Variants in RCAN3 observed in about 807,000 individuals in gnomAD.
RCAN3 encodes the protein regulator of calcineurin 3.
In RCAN3, 19 loss-of-function variants were observed where a neutral mutation model predicts 21.9. The observed-to-expected ratio is 0.87, with a 90% CI of 0.61 to 1.27. The LOEUF (loss-of-function observed/expected upper bound fraction) is 1.27. RCAN3 is among the 50% of genes most tolerant of loss of function. The pLI is 0.00. For synonymous variants in RCAN3, 114 were observed against 112.3 expected (o/e 1.01, Z -0.09); for missense variants, 240 against 300.1 (o/e 0.80, Z 1.48).
At chr1:24,529,096 T>G (rs1649523758) in intron 2 of RCAN3, among the ~76,000 whole-genome samples, 1 of 152,096 alleles carries the variant, frequency 6.6e-6, no homozygotes. Context: ...CAGGGAGAGA[T>G]CATAAGGGAA....
Position 24,536,685 on chromosome 1 carries a change from C to T in RCAN3, c.*1408C>T, listed in dbSNP as rs1650249465. The T allele has an allele frequency of 6.6e-6, 1 of 152,138 alleles. No individual in the cohort carries two copies. Among genetic ancestry groups the T allele is most frequent in the South Asian group, 2.1e-4 (1 of 4,826 alleles). The allele number at this position is 152,138 out of a possible 1,614,324, so 9.4% of individuals were successfully genotyped here. ...AACTAATGAACCAAGGCGGCTGCCA[C>T]CAGGAAGGAACAGAACGCAGGCATT... is the stretch of plus-strand genomic sequence containing the variant. On this transcript the variant is annotated 3_prime_UTR_variant, in exon 5 of 5. Transcript: ENST00000374395.
chr1:24,514,308 T>A lies in RCAN3; in HGVS notation c.-59-6T>A. ...TTTACCTCTGCATTTTCTTTTTTTTTAACAGTGGGTGCCTGATAGACATCC... is the reference window on the plus strand; with the variant it reads ...TTTACCTCTGCATTTTCTTTTTTTTAAACAGTGGGTGCCTGATAGACATCC... On this transcript the variant is annotated splice_polypyrimidine_tract_variant and splice_region_variant and intron_variant, in intron 1 of 4. Coordinates refer to ENST00000374395, the MANE Select transcript of RCAN3 (RefSeq NM_013441.4). 1 of 1,371,468 alleles carries A rather than the reference T, an allele frequency of 7.3e-7. No homozygotes were observed. Among genetic ancestry groups the A allele is most frequent in the Non-Finnish European group, 9.7e-7 (1 of 1,031,010 alleles). 85.0% of individuals were successfully genotyped at this position (1,371,468 alleles called of 1,614,324 possible).
At chr1:24,513,931 T>G (rs549871185) in intron 1 of RCAN3, among the ~76,000 whole-genome samples, 7 of 152,324 alleles carry the variant, frequency 4.6e-5, no homozygotes, top group Admixed American at 2.0e-4. Flanking sequence ...CCAGTTACAG[T>G]GTTGTAGATG....
At chr1:24,517,084 G>GTT (rs11372088) in intron 2 of RCAN3, among the ~76,000 whole-genome samples, 200 of 146,922 alleles carry the variant, frequency 1.4e-3, no homozygotes, top group African/African-American at 1.7e-3. Context: ...CTATTTTTTT[G>GTT]TTTTTTTTTG....
intron 3 of RCAN3, among the ~76,000 whole-genome samples, chr1:24,532,545 G>T (rs114121573): frequency 0.083 from 12,480 of 151,112 alleles, 1,219 homozygotes; most frequent in African/African-American, 0.24. Context: ...TATTTTTTAT[G>T]CAGTTAATAT....
intron 2 of RCAN3, among the ~76,000 whole-genome samples, chr1:24,527,530 G>A (rs1029516240): frequency 2.6e-5 from 4 of 151,986 alleles, no homozygotes; most frequent in East Asian, 1.9e-4. Flanking sequence ...AATAAATATT[G>A]GTGCACAAAT....
At chr1:24,531,888 A>G (rs1051416649) in intron 3 of RCAN3, among the ~76,000 whole-genome samples, 1 of 152,204 alleles carries the variant, frequency 6.6e-6, no homozygotes, top group East Asian at 1.9e-4. Flanking sequence ...AAAATTGGCT[A>G]CGCTTAGTAT....
At chr1:24,522,710 G>A (rs1648916954) in intron 2 of RCAN3, among the ~76,000 whole-genome samples, 1 of 152,156 alleles carries the variant, frequency 6.6e-6, no homozygotes, top group Admixed American at 6.5e-5. Flanking sequence ...AAGGAGCCCA[G>A]GTAAGGCACA....
chr1:24,513,546 G>A (rs2148895637), intron 1 of RCAN3, among the ~76,000 whole-genome samples: 1 of 151,756 alleles, frequency 6.6e-6, no homozygotes, highest in South Asian at 2.1e-4. Context: ...GTACACGCCT[G>A]TAGTGGAGGC....
chr1:24,531,558 T>G (rs1649761551), intron 3 of RCAN3, among the ~76,000 whole-genome samples, 167 bp downstream of exon 3: 1 of 152,132 alleles, frequency 6.6e-6, no homozygotes, highest in South Asian at 2.1e-4. Flanking sequence ...AGATACATAA[T>G]TTCGTGTATT....
At chr1:24,508,887 G>T (rs1647668346) in intron 1 of RCAN3, among the ~76,000 whole-genome samples, 1 of 152,194 alleles carries the variant, frequency 6.6e-6, no homozygotes, top group African/African-American at 2.4e-5. Context: ...ATCGGTTGGT[G>T]TGGTGGCTCA....
intron 1 of RCAN3, among the ~76,000 whole-genome samples, chr1:24,503,885 T>C (rs879731662): frequency 6.6e-6 from 1 of 152,272 alleles, no homozygotes; most frequent in Admixed American, 6.5e-5. Flanking sequence ...TCTGATGTAC[T>C]ATTTGGCAAA....
At position 24,531,306 on chromosome 1, in the gene RCAN3, G is replaced by A. The variant is rs761968796; in HGVS notation, c.284G>A (p.Ser95Asn). Reference sequence around the variant, plus strand: ...TTTAGAAGAGTCAGAATAAATTTCAGCAAACCTGAAGCGGCAGCAAGAGCG... The same window carrying A: ...TTTAGAAGAGTCAGAATAAATTTCAACAAACCTGAAGCGGCAGCAAGAGCG... ...KSFRRVRINF[S>N]KPEAAARARI... The change falls in exon 3 of 5, where the codon AGC (serine) becomes AAC (asparagine). Residue 95 changes from serine to asparagine, a missense_variant. Transcript: ENST00000374395. 6.2e-7 allele frequency: 1 copy of A among 1,613,826 alleles called. No individual in the cohort carries two copies. The highest frequency in any genetic ancestry group is 8.5e-7 in the Non-Finnish European group (1 of 1,179,864).
intron 2 of RCAN3, among the ~76,000 whole-genome samples, chr1:24,514,861 C>T (rs969423567): frequency 4.6e-5 from 7 of 151,614 alleles, no homozygotes; most frequent in Non-Finnish European, 1.0e-4. Flanking sequence ...CCCAGCTACT[C>T]GCAGGGCTGA....
At chr1:24,502,807 C>A (rs1647198329), upstream of RCAN3, 2 of 150,754 alleles carry the variant, frequency 1.3e-5, no homozygotes, top group African/African-American at 4.8e-5. Context: ...TGGGCTCTGG[C>A]GCCTGCGCCG....
intron 2 of RCAN3, among the ~76,000 whole-genome samples, chr1:24,521,015 C>G (rs1054839558): frequency 1.3e-5 from 2 of 151,882 alleles, no homozygotes; most frequent in African/African-American, 4.8e-5. Context: ...GTCTTGAAAA[C>G]AAAGAACAAA....
chr1:24,532,373 T>C (rs1013997247), intron 3 of RCAN3, among the ~76,000 whole-genome samples: 3 of 151,996 alleles, frequency 2.0e-5, no homozygotes, highest in Non-Finnish European at 4.4e-5. Flanking sequence ...ACTACAGGCA[T>C]ATGCCACCAC....
intron 2 of RCAN3, among the ~76,000 whole-genome samples, chr1:24,527,532 T>A (rs110672): frequency 0.46 from 70,256 of 151,976 alleles, 16,582 homozygotes; most frequent in East Asian, 0.73. Context: ...TAAATATTGG[T>A]GCACAAATTA....
chr1:24,519,233 T>TA (rs1397892214), intron 2 of RCAN3, among the ~76,000 whole-genome samples: 1 of 136,408 alleles, frequency 7.3e-6, no homozygotes, highest in South Asian at 2.3e-4. Flanking sequence ...TTTTTTTTTT[T>TA]AAGAGACAAG....
Sources: allele counts gnomAD v4.1 joint callset (sites outside exome capture counted in the v4.1 genomes callset), GRCh38; gene constraint gnomAD v4.1.1; transcripts MANE v1.5; gene names NCBI Gene and HGNC (gene_info 2026-07-23, HGNC 2026-07-21).